Variants in OTOG observed in about 807,000 individuals in gnomAD.
The protein encoded by OTOG is otogelin.
A neutral mutation model predicts 313.8 loss-of-function variants in OTOG; 296 were observed. The ratio of observed to expected loss-of-function variants is 0.94; its 90% CI spans 0.86 to 1.04. The LOEUF is 1.04. OTOG is among the 50% of genes least tolerant of loss of function. The pLI is 0.00. For missense variants in OTOG, 3,948 were observed against 3,840.1 expected (o/e 1.03, Z -0.74); for synonymous variants, 1,533 against 1,554.9 (o/e 0.99, Z 0.33).
rs951563623 is a variant in OTOG, at chr11:17,638,503, G to T, written c.7848G>T (p.Leu2616=). 2 of 1,550,296 alleles carry T rather than the reference G, an allele frequency of 1.3e-6. No homozygotes were observed. The highest frequency in any genetic ancestry group is 2.7e-5 in the African/African-American group (2 of 73,044). The change falls in exon 48 of 56, where the codon CTG becomes CTT. Residue 2616 remains leucine (L), a synonymous_variant. Transcript: ENST00000399397. The stretch of plus-strand genomic sequence containing the variant: ...TGCAGTGTGGCCTGGGCACTGCCCT[G>T]GTGGAGGTGTGGAGCCCCGACCGCT... ...PQVQCGLGTA[L]VEVWSPDRCC...
At position 17,557,146 on chromosome 11, in the gene OTOG, G is replaced by A. The variant is rs61910753; in HGVS notation, c.688G>A (p.Ala230Thr). 7,823 of 1,550,382 alleles carry A rather than the reference G, an allele frequency of 5.0e-3. 321 individuals carry two copies. In the African/African-American group the frequency reaches 0.095, roughly 19 times the overall value. ...CCAACTGCCACATGTCATGGGGAGC[G>A]CGCGTCTGCAGCAGCTTGCCGGCTA... Reference protein sequence around the residue: ...RVQLPHVMGSARLQQLAGYVI... With the variant: ...RVQLPHVMGSTRLQQLAGYVI... Residue 230 changes from alanine to threonine, a missense_variant, in exon 8 of 56, where the codon GCG becomes ACG. By Grantham distance (58) the Ala-to-Thr change is moderately conservative. Coordinates refer to ENST00000399397, the MANE Select transcript of OTOG (RefSeq NM_001292063.2).
chr11:17,610,001 C>T lies in OTOG; in HGVS notation c.4701C>T (p.Ser1567=), dbSNP rs1853486179. The part of the protein sequence containing the change: ...SLLAIPHTPE[S]SSLPVALQTP... ...TGGCCATCCCCCATACACCAGAGTC[C>T]TCATCCCTCCCTGTTGCACTGCAGA... The change falls in exon 36 of 56, where the codon TCC becomes TCT. Residue 1567 remains serine, a synonymous_variant. Coordinates refer to ENST00000399397, the MANE Select transcript of OTOG (RefSeq NM_001292063.2). 1.3e-6 allele frequency: 2 copies of T among 1,544,460 alleles called. No individual in the cohort carries two copies. Among genetic ancestry groups the T allele is most frequent in the Admixed American group, 2.0e-5 (1 of 50,724 alleles).
intron 31 of OTOG, among the ~76,000 whole-genome samples, chr11:17,602,002 G>A (rs1323777857): frequency 6.6e-6 from 1 of 152,192 alleles, no homozygotes; most frequent in Non-Finnish European, 1.5e-5. Context: ...CAGTGGGTCT[G>A]TTCCTTTCAG....
intron 48 of OTOG, chr11:17,639,032 G>C: frequency 3.2e-6 from 1 of 315,386 alleles, no homozygotes; most frequent in South Asian, 3.3e-5. Context: ...CAGCCTGGGC[G>C]ACAGAGTGAG....
intron 39 of OTOG, among the ~76,000 whole-genome samples, chr11:17,625,074 T>G (rs1397138294): frequency 6.6e-6 from 1 of 152,224 alleles, no homozygotes; most frequent in African/African-American, 2.4e-5. Flanking sequence ...TATGGGGTTT[T>G]CTAGATATAG....
chr11:17,606,246 C>T (rs1048204127), intron 33 of OTOG, 111 bp downstream of exon 33: 6 of 1,341,480 alleles, frequency 4.5e-6, no homozygotes, highest in African/African-American at 1.5e-5. Context: ...CAGAATCCTC[C>T]TTCTCCTGGC....
intron 8 of OTOG, 134 bp from the exon 9 acceptor site, chr11:17,558,051 T>C (rs1852092198): frequency 8.8e-7 from 1 of 1,133,364 alleles, no homozygotes; most frequent in African/African-American, 1.6e-5. Flanking sequence ...CTGATTGGGA[T>C]GGGAGCTCAG....
At position 17,609,173 on chromosome 11, in the gene OTOG, G is replaced by A. The variant is rs993263378; in HGVS notation, c.4318G>A (p.Asp1440Asn). ...VPVCPTPQVL[D>N]EVTQRCVYLE... ...TGTGTGCCCCACCCCCCAGGTCCTG[G>A]ATGAAGTCACACAGAGATGTGTCTA... Residue 1440 changes from aspartate to asparagine, a missense_variant, in exon 35 of 56, where the codon GAT becomes AAT. Asp to Asn is a conservative substitution (Grantham distance 23). Coordinates refer to ENST00000399397, the MANE Select transcript of OTOG (RefSeq NM_001292063.2). 1.9e-6 allele frequency: 3 copies of A among 1,550,424 alleles called. No individual in the cohort carries two copies. Among genetic ancestry groups the A allele is most frequent in the Admixed American group, 2.0e-5 (1 of 50,968 alleles).
rs1343036739 is a variant in OTOG, at chr11:17,631,692, C to A, written c.6713-10C>A. The A allele has an allele frequency of 6.5e-7, 1 of 1,546,708 alleles. No homozygotes were observed. The highest frequency in any genetic ancestry group is 8.7e-7 in the Non-Finnish European group (1 of 1,143,804). On this transcript the variant is annotated splice_polypyrimidine_tract_variant and intron_variant, in intron 40 of 55. Transcript: ENST00000399397. ...GATCGTGGCTGTTGGGATTGTTTGGCCCCTTTCAGGTATCTGTGATGGAGA... is the reference window on the plus strand; with the variant it reads ...GATCGTGGCTGTTGGGATTGTTTGGACCCTTTCAGGTATCTGTGATGGAGA...
At chr11:17,563,854 G>GTT (rs61373849) in intron 15 of OTOG, among the ~76,000 whole-genome samples, 1,701 of 106,534 alleles carry the variant, frequency 0.016, 37 homozygotes, top group African/African-American at 0.063. Flanking sequence ...CTAGTTTTTG[G>GTT]TTTTTTTTTT....
At chr11:17,595,970 T>C (rs943265819) in intron 28 of OTOG, 68 bp from the exon 29 acceptor site, 3 of 1,101,290 alleles carry the variant, frequency 2.7e-6, no homozygotes, top group African/African-American at 1.6e-5. Flanking sequence ...CCCTAAAATC[T>C]GTCTGTCATG....
chr11:17,610,356 C>T lies in OTOG; in HGVS notation c.5056C>T (p.Gln1686Ter), dbSNP rs930688767. ...ISRTGVPQPT[Q>*]AQSASSPSTP... Reference sequence around the variant, plus strand: ...CAGGACAGGGGTCCCCCAGCCCACCCAGGCCCAGAGTGCTTCAAGTCCCAG... The same window carrying T: ...CAGGACAGGGGTCCCCCAGCCCACCTAGGCCCAGAGTGCTTCAAGTCCCAG... Residue 1686 changes from glutamine (Q) to a stop codon, truncating the protein, a stop_gained, in exon 36 of 56, where the codon CAG becomes TAG. Coordinates refer to ENST00000399397, the MANE Select transcript of OTOG (RefSeq NM_001292063.2). LOFTEE classifies it high-confidence loss of function. 53 of 1,550,592 alleles carry T rather than the reference C, an allele frequency of 3.4e-5. No individual in the cohort carries two copies. Among genetic ancestry groups the T allele is most frequent in the Non-Finnish European group, 4.2e-5 (48 of 1,147,008 alleles).
At chr11:17,615,033 GTGTT>G (rs1223353634) in intron 39 of OTOG, among the ~76,000 whole-genome samples, 5 of 152,300 alleles carry the variant, frequency 3.3e-5, no homozygotes, top group South Asian at 2.1e-4. Flanking sequence ...TTGGTGGCAC[GTGTT>G]TGTTTGTTTG....
chr11:17,564,918 T>C (rs535198966), intron 15 of OTOG, among the ~76,000 whole-genome samples: 5 of 152,324 alleles, frequency 3.3e-5, no homozygotes, highest in Admixed American at 3.3e-4. Context: ...CCAGAATCTG[T>C]GTAGTGTTTG....
At chr11:17,591,699 T>C in intron 25 of OTOG, 111 bp downstream of exon 25, 1 of 1,353,574 alleles carries the variant, frequency 7.4e-7, no homozygotes, top group East Asian at 2.5e-5. Context: ...ATCTAAGCCC[T>C]GAGGTGGGGC....
chr11:17,639,331 G>A, intron 48 of OTOG, 92 bp from the exon 49 acceptor site: 2 of 1,370,518 alleles, frequency 1.5e-6, no homozygotes, highest in Non-Finnish European at 2.0e-6. Context: ...TCAGAAGACG[G>A]GTTGTGCCAG....
At chr11:17,616,543 T>A (rs1853725203) in intron 39 of OTOG, among the ~76,000 whole-genome samples, 1 of 152,196 alleles carries the variant, frequency 6.6e-6, no homozygotes. Flanking sequence ...ATGGCTTCTT[T>A]GATTTTTTTA....
intron 15 of OTOG, 148 bp from the exon 16 acceptor site, chr11:17,569,008 A>C (rs922352094): frequency 1.0e-6 from 1 of 956,248 alleles, no homozygotes; most frequent in African/African-American, 1.6e-5. Context: ...ATTTGGTTGG[A>C]TGATCCCTGA....
intron 17 of OTOG, 49 bp from the exon 18 acceptor site, chr11:17,572,031 C>G: frequency 6.5e-7 from 1 of 1,548,532 alleles, no homozygotes; most frequent in East Asian, 2.4e-5. Flanking sequence ...TTTGTGCCCC[C>G]TGAGTCCACA....
Sources: gnomAD v4.1 joint callset for allele counts (sites outside exome capture counted in the v4.1 genomes callset) on GRCh38, gnomAD v4.1.1 for gene constraint, MANE v1.5 for transcripts, NCBI Gene and HGNC (gene_info 2026-07-23, HGNC 2026-07-21) for gene names.